Variants in ATXN8OS observed in about 807,000 individuals in gnomAD.
The protein encoded by ATXN8OS is ATXN8 opposite strand lncRNA, also known as ATXN8 opposite strand (non-protein coding).
intron 1 of ATXN8OS, among the ~76,000 whole-genome samples, chr13:70,113,438 T>C (rs1888229316): frequency 6.6e-6 from 1 of 152,156 alleles, no homozygotes; most frequent in African/African-American, 2.4e-5. Flanking sequence ...GCTTAACTAA[T>C]ACTTATTTAC....
intron 3 of ATXN8OS, among the ~76,000 whole-genome samples, chr13:70,145,180 T>C (rs968631060): frequency 6.6e-6 from 1 of 152,174 alleles, no homozygotes; most frequent in Non-Finnish European, 1.5e-5. Flanking sequence ...GCATTATTTC[T>C]GAGGGCTCTG....
chr13:70,113,494 T>C (rs1365564971), intron 1 of ATXN8OS, among the ~76,000 whole-genome samples: 1 of 152,162 alleles, frequency 6.6e-6, no homozygotes, highest in East Asian at 1.9e-4. Context: ...TTTCATTATT[T>C]TGTATATTGC....
chr13:70,115,327 C>T (rs1313899755), intron 2 of ATXN8OS: 2 of 397,910 alleles, frequency 5.0e-6, no homozygotes, highest in Non-Finnish European at 8.9e-6. Flanking sequence ...GTCATTAATC[C>T]ATTCACAGGG....
chr13:70,107,612 C>G (rs147322205), upstream of ATXN8OS: 1 of 1,589,366 alleles, frequency 6.3e-7, no homozygotes. Context: ...GCCGGGCCGC[C>G]GGTGGAAGGA....
intron 2 of ATXN8OS, among the ~76,000 whole-genome samples, chr13:70,124,251 TCA>T (rs1566595761): frequency 6.6e-6 from 1 of 152,154 alleles, no homozygotes; most frequent in Non-Finnish European, 1.5e-5. Flanking sequence ...GTCACCTGCT[TCA>T]CACTTTTGTG....
chr13:70,162,278 T>G (rs1889018357), intron 4 of ATXN8OS, among the ~76,000 whole-genome samples: 1 of 151,964 alleles, frequency 6.6e-6, no homozygotes, highest in Non-Finnish European at 1.5e-5. Context: ...ATAGGAAACC[T>G]GAGACGCAGA....
chr13:70,116,289 A>C (rs1015626049), intron 2 of ATXN8OS, among the ~76,000 whole-genome samples: 4 of 152,154 alleles, frequency 2.6e-5, no homozygotes, highest in African/African-American at 9.6e-5. Context: ...GGAGATAAAT[A>C]AACCATGGAA....
exon 5 of ATXN8OS, among the ~76,000 whole-genome samples, chr13:70,170,645 T>C (rs1273109613): frequency 1.3e-5 from 2 of 152,192 alleles, no homozygotes; most frequent in African/African-American, 2.4e-5. Flanking sequence ...GTTTTTATGA[T>C]ATGCGAATAA....
intron 1 of ATXN8OS, among the ~76,000 whole-genome samples, chr13:70,112,994 C>T (rs1245582351): frequency 2.1e-5 from 3 of 145,524 alleles, no homozygotes; most frequent in Non-Finnish European, 4.5e-5. Flanking sequence ...GTGATTCCTG[C>T]TCACTGCAAC....
intron 2 of ATXN8OS, among the ~76,000 whole-genome samples, chr13:70,123,747 T>C (rs1888392110): frequency 6.6e-6 from 1 of 152,122 alleles, no homozygotes; most frequent in Non-Finnish European, 1.5e-5. Flanking sequence ...AAGGAGTTAT[T>C]TGTACACAGA....
At chr13:70,160,664 T>TATATATATTTA (rs1227056640) in intron 4 of ATXN8OS, among the ~76,000 whole-genome samples, 10 of 65,532 alleles carry the variant, frequency 1.5e-4, no homozygotes, top group East Asian at 2.7e-4. Context: ...AAACAAAATA[T>TATATATATTTA]TCTTGGTAGA....
intron 4 of ATXN8OS, among the ~76,000 whole-genome samples, chr13:70,155,397 C>A (rs1888924454): frequency 6.6e-6 from 1 of 152,074 alleles, no homozygotes; most frequent in African/African-American, 2.4e-5. Flanking sequence ...AAGAAACATA[C>A]CCAATATATA....
At chr13:70,144,721 T>G (rs996272612) in intron 3 of ATXN8OS, among the ~76,000 whole-genome samples, 3 of 152,156 alleles carry the variant, frequency 2.0e-5, no homozygotes, top group African/African-American at 7.2e-5. Flanking sequence ...ATCAATTTAT[T>G]ATTTCATGGG....
At chr13:70,126,647 A>C (rs1888441452) in intron 2 of ATXN8OS, among the ~76,000 whole-genome samples, 1 of 151,804 alleles carries the variant, frequency 6.6e-6, no homozygotes, top group Admixed American at 6.6e-5. Flanking sequence ...GCAGGTAGAT[A>C]GATATATCTA....
intron 4 of ATXN8OS, among the ~76,000 whole-genome samples, chr13:70,147,788 T>A (rs1888807420): frequency 6.6e-6 from 1 of 152,100 alleles, no homozygotes; most frequent in Admixed American, 6.6e-5. Context: ...CCTGAGAACA[T>A]GTGCCCAAGA....
chr13:70,124,390 C>A (rs1257255040), intron 2 of ATXN8OS, among the ~76,000 whole-genome samples: 1 of 151,972 alleles, frequency 6.6e-6, no homozygotes, highest in Non-Finnish European at 1.5e-5. Flanking sequence ...ATAGAGAATG[C>A]TGAGTGGAGC....
At position 70,157,102 on chromosome 13, in the gene ATXN8OS, C is replaced by T. The variant is rs1888946565; in HGVS notation, n.573+9674C>T. Among the ~76,000 whole-genome samples the T allele has an allele frequency of 2.0e-5, 3 of 147,392 alleles. No homozygotes were observed. In the South Asian group the frequency reaches 6.4e-4, roughly 31 times the overall value. ...TAATGCAATCTGATGAATTGTTCTA[C>T]CTTCCTAAAAGTTTTCATACCGATT... On this transcript the variant is annotated intron_variant and non_coding_transcript_variant, in intron 4 of 4. Transcript: ENST00000678624.
chr13:70,159,494 A>C (rs1177885233), intron 4 of ATXN8OS, among the ~76,000 whole-genome samples: 1 of 151,936 alleles, frequency 6.6e-6, no homozygotes, highest in Non-Finnish European at 1.5e-5. Flanking sequence ...TTCTTTATCG[A>C]ATTGAATTTT....
intron 3 of ATXN8OS, among the ~76,000 whole-genome samples, chr13:70,134,034 GTTTTAT>G (rs1593765381): frequency 6.6e-6 from 1 of 152,062 alleles, no homozygotes; most frequent in East Asian, 1.9e-4. Flanking sequence ...GGGTTGTTGT[GTTTTAT>G]TTTTATTTTT....
Sources: allele counts gnomAD v4.1 joint callset (sites outside exome capture counted in the v4.1 genomes callset), GRCh38; gene constraint gnomAD v4.1.1; transcripts MANE v1.5; gene names NCBI Gene and HGNC (gene_info 2026-07-23, HGNC 2026-07-21).